The following CTNND2 variants were observed in gnomAD, a reference collection of about 807,000 sequenced individuals.
CTNND2 encodes the protein catenin delta-2.
In CTNND2, 22 loss-of-function variants were observed where a neutral mutation model predicts 144.4. The observed-to-expected ratio is 0.15, with a 90% CI of 0.11 to 0.22. CTNND2 has a LOEUF of 0.22. Ranked by LOEUF, CTNND2 falls within the 10% of genes least tolerant of loss-of-function variation. The pLI, the probability that CTNND2 is intolerant of heterozygous loss-of-function variation, is 1.00. For missense variants in CTNND2, 1,353 were observed against 1,618.8 expected, an observed-to-expected ratio of 0.84 and a Z score of 2.82; for synonymous variants, 751 against 695.6, an observed-to-expected ratio of 1.08 and a Z score of -1.25.
At chr5:11,541,721 G>A (rs1774749710) in intron 3 of CTNND2, among the ~76,000 whole-genome samples, 1 of 151,942 alleles carries the variant, frequency 6.6e-6, no homozygotes, top group Admixed American at 6.6e-5. Flanking sequence ...CCCACAATAA[G>A]CCTTTCTCAG....
At chr5:11,250,518 T>TAC (rs1743507521) in intron 9 of CTNND2, among the ~76,000 whole-genome samples, 1 of 31,030 alleles carries the variant, frequency 3.2e-5, no homozygotes, top group African/African-American at 2.1e-4. Context: ...TATATACATA[T>TAC]ATTTTTTTTT....
intron 3 of CTNND2, among the ~76,000 whole-genome samples, chr5:11,509,913 A>G (rs1179092012): frequency 6.6e-6 from 1 of 152,108 alleles, no homozygotes; most frequent in African/African-American, 2.4e-5. Context: ...ACAAGGTAGA[A>G]AAAAGCAAAA....
At chr5:11,795,222 C>T (rs1791339887) in intron 1 of CTNND2, among the ~76,000 whole-genome samples, 1 of 152,066 alleles carries the variant, frequency 6.6e-6, no homozygotes, top group South Asian at 2.1e-4. Flanking sequence ...ATCATAAATG[C>T]CAAGAATGTC....
In CTNND2 at chr5:11,117,592, C is replaced by T. The variant is rs141312646; in HGVS notation, c.2160-25G>A. ...CCTGCAAAGCAAAAGGACACGTCAG[C>T]GATCTTCACGGTTGTCACCAAAAGA... is the stretch of plus-strand genomic sequence containing the variant. On this transcript the variant is annotated intron_variant, in intron 12 of 21. Transcript: ENST00000304623. 685 of 1,566,952 alleles carry T rather than the reference C, an allele frequency of 4.4e-4. 1 individual carries two copies. Among genetic ancestry groups the T allele is most frequent in the African/African-American group, 2.5e-3 (183 of 74,010 alleles).
chr5:11,780,108 G>C (rs547584416), intron 1 of CTNND2, among the ~76,000 whole-genome samples: 16 of 152,296 alleles, frequency 1.1e-4, no homozygotes, highest in African/African-American at 3.8e-4. Flanking sequence ...TGAGACCTGA[G>C]TATCTACTGC....
chr5:11,508,946 T>C (rs1343073190), intron 3 of CTNND2, among the ~76,000 whole-genome samples: 1 of 152,166 alleles, frequency 6.6e-6, no homozygotes, highest in Non-Finnish European at 1.5e-5. Flanking sequence ...CAACACAGTT[T>C]TCAAGTCATC....
At chr5:11,280,566 C>T (rs1008401723) in intron 9 of CTNND2, among the ~76,000 whole-genome samples, 4 of 152,222 alleles carry the variant, frequency 2.6e-5, no homozygotes, top group Non-Finnish European at 5.9e-5. Flanking sequence ...CAGAGCTCCA[C>T]CTTTGTGACT....
At chr5:11,866,820 C>T (rs1365865991) in intron 1 of CTNND2, among the ~76,000 whole-genome samples, 7 of 152,234 alleles carry the variant, frequency 4.6e-5, no homozygotes, top group African/African-American at 7.2e-5. Flanking sequence ...GAATTCTTCG[C>T]GTGATCAATA....
intron 10 of CTNND2, among the ~76,000 whole-genome samples, chr5:11,214,737 C>T (rs1271841068): frequency 2.0e-5 from 3 of 152,258 alleles, no homozygotes; most frequent in East Asian, 1.9e-4. Context: ...TTACTCACTT[C>T]GGCTTCCATT....
chr5:11,635,961 C>T (rs1781675209), intron 2 of CTNND2, among the ~76,000 whole-genome samples: 1 of 151,966 alleles, frequency 6.6e-6, no homozygotes, highest in Non-Finnish European at 1.5e-5. Context: ...ACACTAATTT[C>T]CAGTCTAATA....
At chr5:11,424,624 G>GT (rs1192518689) in intron 3 of CTNND2, among the ~76,000 whole-genome samples, 1 of 151,916 alleles carries the variant, frequency 6.6e-6, no homozygotes, top group Non-Finnish European at 1.5e-5. Context: ...GTGTGTGTAT[G>GT]TTTGGCATGT....
At chr5:11,104,003 C>T (rs1752169081) in intron 14 of CTNND2, among the ~76,000 whole-genome samples, 1 of 152,194 alleles carries the variant, frequency 6.6e-6, no homozygotes, top group African/African-American at 2.4e-5. Context: ...CTCCTCTTTC[C>T]ACCTGTCACA....
At chr5:11,056,419 C>T (rs987339327) in intron 16 of CTNND2, among the ~76,000 whole-genome samples, 5 of 152,128 alleles carry the variant, frequency 3.3e-5, no homozygotes, top group Admixed American at 2.6e-4. Flanking sequence ...ATACATATAG[C>T]TCATTTCAAA....
At chr5:11,005,324 G>T (rs778572320) in intron 18 of CTNND2, among the ~76,000 whole-genome samples, 2 of 152,226 alleles carry the variant, frequency 1.3e-5, no homozygotes, top group Non-Finnish European at 2.9e-5. Context: ...AGGTGAGCAG[G>T]ACTTTGTGAG....
intron 9 of CTNND2, among the ~76,000 whole-genome samples, chr5:11,298,123 C>T (rs1180708907): frequency 1.3e-5 from 2 of 152,126 alleles, no homozygotes; most frequent in African/African-American, 2.4e-5. Context: ...AAAACGATGA[C>T]AATTTTTAAG....
rs1206273180 is a variant in CTNND2, at chr5:11,322,345, T to G, written c.1628+24027A>C. On this transcript the variant is annotated intron_variant, in intron 9 of 21. Transcript: ENST00000304623. ...TCTTGAAGATGCAGACGTATCTTAC[T>G]CATCTTGGTAATTTTAATGTTACCA... 2.6e-5 allele frequency among the ~76,000 whole-genome samples: 4 copies of G among 152,160 alleles called. No homozygotes were observed. In the South Asian group the frequency reaches 8.3e-4, roughly 32 times the overall value.
At chr5:11,514,306 CTAATACCTGGCTACA>C (rs1771946624) in intron 3 of CTNND2, among the ~76,000 whole-genome samples, 1 of 151,868 alleles carries the variant, frequency 6.6e-6, no homozygotes, top group Admixed American at 6.6e-5. Flanking sequence ...AAAATAAAGC[CTAATACCTGGCTACA>C]TATCCAAGGT....
intron 12 of CTNND2, among the ~76,000 whole-genome samples, chr5:11,139,932 T>A (rs899611736): frequency 1.3e-5 from 2 of 152,190 alleles, no homozygotes; most frequent in African/African-American, 2.4e-5. Context: ...TTCCTCTGTC[T>A]TCAGAGCCAG....
At chr5:11,071,390 T>C (rs1390936945) in intron 16 of CTNND2, among the ~76,000 whole-genome samples, 3 of 151,958 alleles carry the variant, frequency 2.0e-5, no homozygotes, top group Non-Finnish European at 4.4e-5. Flanking sequence ...ATACAAAAAT[T>C]AGTCAGGCAT....
Sources: gnomAD v4.1 joint callset for allele counts (sites outside exome capture counted in the v4.1 genomes callset) on GRCh38, gnomAD v4.1.1 for gene constraint, MANE v1.5 for transcripts, NCBI Gene and HGNC (gene_info 2026-07-23, HGNC 2026-07-21) for gene names.